PDE8B: variants seen among roughly 807,000 people sequenced by gnomAD.
PDE8B encodes the protein phosphodiesterase 8B, also known as high affinity cAMP-specific and IBMX-insensitive 3',5'-cyclic phosphodiesterase 8B.
Under a neutral mutation model 101.3 loss-of-function variants are expected in PDE8B, and 26 were observed. That is an observed-to-expected ratio of 0.26 (90% CI 0.19 to 0.36). PDE8B has a LOEUF of 0.36. Ranked by LOEUF, PDE8B falls within the 10% of genes least tolerant of loss-of-function variation. PDE8B has a pLI of 1.00. For synonymous variants in PDE8B, 424 were observed against 429.3 expected (o/e 0.99, Z 0.15); for missense variants, 810 against 1,163.1 (o/e 0.70, Z 4.42).
chr5:77,399,805 G>C (rs1791870803), intron 10 of PDE8B, among the ~76,000 whole-genome samples: 1 of 152,234 alleles, frequency 6.6e-6, no homozygotes, highest in Non-Finnish European at 1.5e-5. Flanking sequence ...GAAGAGCTTT[G>C]TAGGAAATGT....
the PDE8B span, among the ~76,000 whole-genome samples, chr5:77,097,707 C>CTATATATATATATCTATATATA: frequency 4.8e-5 from 1 of 20,948 alleles, no homozygotes; most frequent in Non-Finnish European, 1.1e-4. Context: ...ATATATATAT[C>CTATATATATATATCTATATATA]TATATATATA....
At chr5:77,186,375 A>T in the PDE8B span, among the ~76,000 whole-genome samples, 1 of 152,224 alleles carries the variant, frequency 6.6e-6, no homozygotes, top group Admixed American at 6.5e-5. Flanking sequence ...TACAGTTAAG[A>T]CAATGAGAAT....
chr5:77,325,526 T>C lies in PDE8B; in HGVS notation c.400-13T>C, dbSNP rs758811290. The C allele has an allele frequency of 2.5e-6, 4 of 1,612,610 alleles. No individual in the cohort carries two copies. The Admixed American group carries it at 6.7e-5, about 27-fold the overall frequency. On this transcript the variant is annotated splice_polypyrimidine_tract_variant and intron_variant, in intron 2 of 21. Transcript: ENST00000264917. ...ATGATTTATTTCAAGATGCCCTTTT[T>C]GTTGTGTTTCAGGTTTTGCTGATCT...
intron 6 of PDE8B, among the ~76,000 whole-genome samples, chr5:77,342,618 A>G (rs1158969801): frequency 2.6e-5 from 4 of 152,146 alleles, no homozygotes; most frequent in African/African-American, 4.8e-5. Context: ...AACAGTCAGT[A>G]TAAATAACAG....
At chr5:77,181,076 T>TACCCCA in the PDE8B span, among the ~76,000 whole-genome samples, 3 of 10,600 alleles carry the variant, frequency 2.8e-4, no homozygotes, top group African/African-American at 7.8e-4. Context: ...CCCCTACCCC[T>TACCCCA]ACCCCAACCC....
At position 77,427,358 on chromosome 5, in the gene PDE8B, T is replaced by C. The variant is rs1403841137; in HGVS notation, c.*804T>C. ...CCACGAGGCACTACACCAAGTATTA[T>C]ATAAAAGCCATTAAATTTGAATGCC... On this transcript the variant is annotated 3_prime_UTR_variant, in exon 22 of 22. Transcript: ENST00000264917. The C allele has an allele frequency of 2.0e-5, 3 of 151,478 alleles. No individual in the cohort carries two copies. The highest frequency in any genetic ancestry group is 4.4e-5 in the Non-Finnish European group (3 of 67,916). The allele number at this position is 151,478 out of a possible 1,614,324, so 9.4% of individuals were successfully genotyped here.
chr5:77,143,442 G>A, the PDE8B span, among the ~76,000 whole-genome samples: 53 of 141,002 alleles, frequency 3.8e-4, 1 homozygote, highest in Non-Finnish European at 9.6e-5. Flanking sequence ...GTAACAATGA[G>A]CTATGTTATA....
chr5:77,298,012 A>G (rs985169638), intron 1 of PDE8B, among the ~76,000 whole-genome samples: 13 of 152,162 alleles, frequency 8.5e-5, no homozygotes, highest in African/African-American at 3.1e-4. Context: ...AGGCGTGAAC[A>G]CTCAGTCTTG....
chr5:77,218,160 G>T lies in PDE8B; in HGVS notation c.339+6896G>T, dbSNP rs116125847. 4.9e-3 allele frequency among the ~76,000 whole-genome samples: 740 copies of T among 152,276 alleles called. 7 individuals carry two copies. The highest frequency in any genetic ancestry group is 0.017 in the African/African-American group (719 of 41,548). ...ATCAATGAAAATAAGAATATTTCATGGTTGTCTCTTGTTTCCAAGGCGATT... is the reference window on the plus strand; with the variant it reads ...ATCAATGAAAATAAGAATATTTCATTGTTGTCTCTTGTTTCCAAGGCGATT... On this transcript the variant is annotated intron_variant, in intron 1 of 21. Coordinates refer to ENST00000264917, the MANE Select transcript of PDE8B (RefSeq NM_003719.5).
chr5:77,209,230 G>A (rs1444895324), upstream of PDE8B, among the ~76,000 whole-genome samples: 2 of 152,076 alleles, frequency 1.3e-5, no homozygotes, highest in African/African-American at 4.8e-5. Context: ...AGAAGAATAA[G>A]GTTAGACTCT....
chr5:77,342,765 G>A (rs1447564572), intron 6 of PDE8B, among the ~76,000 whole-genome samples: 1 of 152,112 alleles, frequency 6.6e-6, no homozygotes, highest in East Asian at 1.9e-4. Context: ...ATATAGGGAA[G>A]GTCACCAAGA....
chr5:77,379,080 CAAT>C (rs1295317351), intron 10 of PDE8B, among the ~76,000 whole-genome samples: 1 of 152,178 alleles, frequency 6.6e-6, no homozygotes. Flanking sequence ...CTGGGCTAAA[CAAT>C]GACAGTACTT....
the PDE8B span, among the ~76,000 whole-genome samples, chr5:77,117,687 C>T: frequency 6.6e-6 from 1 of 152,122 alleles, no homozygotes; most frequent in Admixed American, 6.5e-5. Context: ...ATTCAGAAGC[C>T]AGCAGCCAAA....
At chr5:77,147,081 G>T in the PDE8B span, 1 of 386,926 alleles carries the variant, frequency 2.6e-6, no homozygotes, top group Non-Finnish European at 5.0e-6. Context: ...GCCTGATGCA[G>T]CAAAAAAGGG....
chr5:77,349,334 A>G lies in PDE8B; in HGVS notation c.877-85A>G, dbSNP rs1242740242. Reference sequence around the variant, plus strand: ...TTGCTTGATATTCCTCTGGGTCCCAACAAGTCTTCCTACGGGGCACACAGA... The same window carrying G: ...TTGCTTGATATTCCTCTGGGTCCCAGCAAGTCTTCCTACGGGGCACACAGA... On this transcript the variant is annotated intron_variant, in intron 7 of 21. Transcript: ENST00000264917. 6.4e-6 allele frequency: 10 copies of G among 1,569,654 alleles called. No individual in the cohort carries two copies. In the Admixed American group the frequency reaches 1.0e-4, roughly 16 times the overall value.
chr5:77,213,489 G>A lies in PDE8B; in HGVS notation c.339+2225G>A, dbSNP rs148254365. Among the ~76,000 whole-genome samples, 6 of 152,180 alleles carry A rather than the reference G, an allele frequency of 3.9e-5. No individual in the cohort carries two copies. The East Asian group carries it at 5.8e-4, about 15-fold the overall frequency. ...GGTGTTGTATTGTCTTTTCTCAATCGTAAAGTTCACATGTTCTGTGCCCTT... is the reference window on the plus strand; with the variant it reads ...GGTGTTGTATTGTCTTTTCTCAATCATAAAGTTCACATGTTCTGTGCCCTT... On this transcript the variant is annotated intron_variant, in intron 1 of 21. Coordinates refer to ENST00000264917, the MANE Select transcript of PDE8B (RefSeq NM_003719.5).
the PDE8B span, among the ~76,000 whole-genome samples, chr5:77,156,360 G>C: frequency 5.3e-5 from 8 of 152,184 alleles, no homozygotes; most frequent in Non-Finnish European, 1.2e-4. Context: ...TGAACCCCAA[G>C]CTCCTTCTTG....
At chr5:77,109,212 TC>T in the PDE8B span, among the ~76,000 whole-genome samples, 1 of 152,220 alleles carries the variant, frequency 6.6e-6, no homozygotes, top group African/African-American at 2.4e-5. Flanking sequence ...ATCTGCTTTC[TC>T]CCCCTTGGGG....
intron 18 of PDE8B, among the ~76,000 whole-genome samples, chr5:77,419,421 G>A (rs1340110135): frequency 1.3e-5 from 2 of 152,218 alleles, no homozygotes; most frequent in African/African-American, 2.4e-5. Flanking sequence ...TTATGTGGCT[G>A]CCGTGCCAGC....
Sources: gnomAD v4.1 joint callset for allele counts (sites outside exome capture counted in the v4.1 genomes callset) on GRCh38, gnomAD v4.1.1 for gene constraint, MANE v1.5 for transcripts, NCBI Gene and HGNC (gene_info 2026-07-23, HGNC 2026-07-21) for gene names.